The following PLPPR1 variants were observed in gnomAD, a reference collection of about 807,000 sequenced individuals.
The protein encoded by PLPPR1 is phospholipid phosphatase-related protein type 1.
In PLPPR1, 10 loss-of-function variants were observed where a neutral mutation model predicts 33.1. The observed-to-expected ratio is 0.30, with a 90% CI of 0.19 to 0.51. The LOEUF is 0.51. PLPPR1 is among the 20% of genes least tolerant of loss of function. The pLI, the probability that PLPPR1 is intolerant of heterozygous loss-of-function variation, is 0.97. For synonymous variants in PLPPR1, 151 were observed against 151.0 expected, an observed-to-expected ratio of 1.00 and a Z score of 0.00; for missense variants, 304 against 408.1, an observed-to-expected ratio of 0.74 and a Z score of 2.20.
At chr9:101,127,755 T>TG (rs1051149016) in intron 1 of PLPPR1, among the ~76,000 whole-genome samples, 2 of 152,140 alleles carry the variant, frequency 1.3e-5, no homozygotes, top group Admixed American at 1.3e-4. Flanking sequence ...CCAAAGGCCA[T>TG]GGGGGGTTTT....
chr9:101,081,384 G>C (rs2486366), intron 1 of PLPPR1, among the ~76,000 whole-genome samples: 1 of 151,740 alleles, frequency 6.6e-6, no homozygotes, highest in Non-Finnish European at 1.5e-5. Context: ...TAGTAGAGAT[G>C]GGGTTTTACC....
intron 4 of PLPPR1, among the ~76,000 whole-genome samples, chr9:101,292,975 G>T (rs996713594): frequency 4.1e-4 from 63 of 152,064 alleles, no homozygotes; most frequent in African/African-American, 1.5e-3. Flanking sequence ...AAATGTAAAT[G>T]GACTAAATGC....
chr9:101,212,341 C>T (rs1014121723), intron 2 of PLPPR1, among the ~76,000 whole-genome samples: 1 of 152,110 alleles, frequency 6.6e-6, no homozygotes, highest in Non-Finnish European at 1.5e-5. Context: ...CCTCAGACTC[C>T]CAAAGTGCTG....
chr9:101,146,619 C>G (rs908008251), intron 1 of PLPPR1, among the ~76,000 whole-genome samples: 1 of 152,196 alleles, frequency 6.6e-6, no homozygotes, highest in Non-Finnish European at 1.5e-5. Context: ...AAGCAAGTTC[C>G]AAGCACGAAG....
chr9:101,078,972 G>A (rs1213746657), intron 1 of PLPPR1, among the ~76,000 whole-genome samples: 1 of 152,102 alleles, frequency 6.6e-6, no homozygotes, highest in African/African-American at 2.4e-5. Context: ...ACCCTTTCAT[G>A]TATGTTTTAT....
At chr9:101,076,721 A>T (rs1830541969) in intron 1 of PLPPR1, among the ~76,000 whole-genome samples, 1 of 152,332 alleles carries the variant, frequency 6.6e-6, no homozygotes, top group East Asian at 1.9e-4. Context: ...AATTAATATT[A>T]GTTGTCTATT....
At chr9:101,036,440 G>T (rs537360229) in intron 1 of PLPPR1, among the ~76,000 whole-genome samples, 1 of 152,166 alleles carries the variant, frequency 6.6e-6, no homozygotes, top group East Asian at 1.9e-4. Flanking sequence ...TTATCTCTTT[G>T]TCTTAGGGCT....
At chr9:101,075,279 T>TCTG (rs959628232) in intron 1 of PLPPR1, among the ~76,000 whole-genome samples, 7 of 152,206 alleles carry the variant, frequency 4.6e-5, no homozygotes, top group Admixed American at 3.9e-4. Flanking sequence ...AAATTTGAAT[T>TCTG]CTGCTTCATT....
chr9:101,207,629 C>T (rs1344487106), intron 2 of PLPPR1, among the ~76,000 whole-genome samples: 4 of 152,094 alleles, frequency 2.6e-5, no homozygotes, highest in South Asian at 2.1e-4. Flanking sequence ...TACTGGGCCA[C>T]CCCCATTCAC....
intron 1 of PLPPR1, among the ~76,000 whole-genome samples, chr9:101,172,044 T>C (rs1184534476): frequency 6.6e-6 from 1 of 152,168 alleles, no homozygotes; most frequent in East Asian, 1.9e-4. Flanking sequence ...TTTGGCATCA[T>C]ATAGAAATAT....
chr9:101,167,595 G>T (rs1825880164), intron 1 of PLPPR1, among the ~76,000 whole-genome samples: 1 of 152,040 alleles, frequency 6.6e-6, no homozygotes, highest in Non-Finnish European at 1.5e-5. Context: ...CCCTGGAGAT[G>T]AGAACTAGTG....
intron 1 of PLPPR1, among the ~76,000 whole-genome samples, chr9:101,063,679 C>T (rs1283637908): frequency 1.3e-5 from 2 of 152,010 alleles, no homozygotes; most frequent in Non-Finnish European, 2.9e-5. Flanking sequence ...TGTTCCTCTT[C>T]TAGGAAAATT....
chr9:101,072,141 C>T (rs1266654300), intron 1 of PLPPR1, among the ~76,000 whole-genome samples: 1 of 152,034 alleles, frequency 6.6e-6, no homozygotes, highest in African/African-American at 2.4e-5. Flanking sequence ...GTCAGATATC[C>T]CTACAGTCTA....
chr9:101,038,214 C>T (rs1830033651), intron 1 of PLPPR1, among the ~76,000 whole-genome samples: 2 of 152,126 alleles, frequency 1.3e-5, no homozygotes, highest in South Asian at 4.1e-4. Flanking sequence ...AATTTCTTTT[C>T]ATTAATAAAT....
At chr9:101,230,813 TTAGACA>T (rs1166504607) in intron 2 of PLPPR1, among the ~76,000 whole-genome samples, 2 of 139,852 alleles carry the variant, frequency 1.4e-5, no homozygotes, top group Non-Finnish European at 3.0e-5. Context: ...CATCAGACTT[TTAGACA>T]TTATTAAAGT....
intron 4 of PLPPR1, among the ~76,000 whole-genome samples, chr9:101,295,225 C>T (rs1391385442): frequency 2.0e-5 from 3 of 151,576 alleles, no homozygotes; most frequent in Admixed American, 6.6e-5. Context: ...AATAAAATAC[C>T]TAGGAATCCA....
chr9:101,315,740 G>T (rs541891154), intron 6 of PLPPR1, among the ~76,000 whole-genome samples: 4 of 152,320 alleles, frequency 2.6e-5, no homozygotes, highest in Admixed American at 2.6e-4. Context: ...ACACAAAGCT[G>T]GGAAATGGGA....
chr9:101,247,978 CTG>C lies in PLPPR1; in HGVS notation c.64-21900_64-21899del, dbSNP rs754075954. Reference sequence around the variant, plus strand: ...TCCTTCACAGAAAAATAAATAAACTCTGTTCAGGAAAAGGGTGGCCTAAGACT... The same window carrying C: ...TCCTTCACAGAAAAATAAATAAACTCTTCAGGAAAAGGGTGGCCTAAGACT... On this transcript the variant is annotated intron_variant, in intron 2 of 7. Coordinates refer to ENST00000374874, the MANE Select transcript of PLPPR1 (RefSeq NM_207299.2). Among the ~76,000 whole-genome samples, 133 of 152,074 alleles carry C rather than the reference CTG, an allele frequency of 8.7e-4. 1 individual carries two copies. The highest frequency in any genetic ancestry group is 1.5e-3 in the Non-Finnish European group (101 of 67,958).
intron 1 of PLPPR1, among the ~76,000 whole-genome samples, chr9:101,142,425 A>G (rs1281853145): frequency 1.3e-5 from 2 of 152,192 alleles, no homozygotes; most frequent in East Asian, 3.9e-4. Context: ...CTGACCCCAC[A>G]TGCTTTTGTT....
Sources: allele counts gnomAD v4.1 joint callset (sites outside exome capture counted in the v4.1 genomes callset), GRCh38; gene constraint gnomAD v4.1.1; transcripts MANE v1.5; gene names NCBI Gene and HGNC (gene_info 2026-07-23, HGNC 2026-07-21).